The following GRAMD2B variants were observed in gnomAD, a reference collection of about 807,000 sequenced individuals.
GRAMD2B encodes the protein GRAM domain containing 2B, also known as GRAM domain-containing protein 2B.
Under a neutral mutation model 59.2 loss-of-function variants are expected in GRAMD2B, and 41 were observed. That is an observed-to-expected ratio of 0.69 (90% CI 0.54 to 0.90). The LOEUF is 0.90. Ranked by LOEUF, GRAMD2B falls within the 40% of genes least tolerant of loss-of-function variation. GRAMD2B has a pLI of 0.00. For synonymous variants in GRAMD2B, 161 were observed against 182.7 expected (o/e 0.88, Z 0.96); for missense variants, 424 against 500.5 (o/e 0.85, Z 1.46).
chr5:126,484,303 G>A (rs1772453257), intron 9 of GRAMD2B, 99 bp from the exon 10 acceptor site: 1 of 1,364,388 alleles, frequency 7.3e-7, no homozygotes, highest in Admixed American at 2.3e-5. Flanking sequence ...TCACATTCTT[G>A]ACCATTATGC....
At chr5:126,466,877 A>C (rs1273811062) in intron 2 of GRAMD2B, among the ~76,000 whole-genome samples, 1 of 152,172 alleles carries the variant, frequency 6.6e-6, no homozygotes, top group Non-Finnish European at 1.5e-5. Flanking sequence ...TTCCGTAATA[A>C]TAATACACTC....
At chr5:126,370,285 T>C (rs891261480), upstream of GRAMD2B, among the ~76,000 whole-genome samples, 3 of 152,246 alleles carry the variant, frequency 2.0e-5, no homozygotes, top group Admixed American at 2.0e-4. Context: ...GACCTGTCCC[T>C]GCCAGGTTAG....
intron 1 of GRAMD2B, among the ~76,000 whole-genome samples, chr5:126,430,128 C>T (rs1761331625): frequency 6.6e-6 from 1 of 152,220 alleles, no homozygotes; most frequent in Non-Finnish European, 1.5e-5. Context: ...GGTTCCTCCT[C>T]AGCCACCTTA....
At chr5:126,394,002 C>T (rs1369712689) in intron 1 of GRAMD2B, among the ~76,000 whole-genome samples, 6 of 152,022 alleles carry the variant, frequency 3.9e-5, no homozygotes, top group East Asian at 1.9e-4. Context: ...AGGCCAGGCG[C>T]GGTGGCTCAC....
chr5:126,480,691 C>A lies in GRAMD2B; in HGVS notation c.719C>A (p.Pro240His), dbSNP rs762549860. 1 of 1,613,954 alleles carries A rather than the reference C, an allele frequency of 6.2e-7. No individual in the cohort carries two copies. The highest frequency in any genetic ancestry group is 8.5e-7 in the Non-Finnish European group (1 of 1,179,826). Residue 240 changes from proline (P) to histidine (H), a missense_variant, in exon 8 of 14, where the codon CCT becomes CAT. Transcript: ENST00000285689. ...GAAAACAGTTTCCGAGCAGACCGCC[C>A]TTCATCTCTGCCTCTGGTAAGTTGC... The part of the protein sequence containing the change: ...SAENSFRADR[P>H]SSLPLDFNDE...
chr5:126,454,991 T>C (rs1337803032), intron 1 of GRAMD2B, among the ~76,000 whole-genome samples: 2 of 152,234 alleles, frequency 1.3e-5, no homozygotes, highest in Non-Finnish European at 2.9e-5. Flanking sequence ...CAATTTCTCT[T>C]GTGTTCCCTG....
chr5:126,402,537 C>A (rs539781115), intron 1 of GRAMD2B, among the ~76,000 whole-genome samples: 1 of 152,140 alleles, frequency 6.6e-6, no homozygotes, highest in South Asian at 2.1e-4. Flanking sequence ...AAGACTGGAA[C>A]CACCTTTATA....
At chr5:126,419,351 G>A (rs905610794), upstream of GRAMD2B, among the ~76,000 whole-genome samples, 67 of 152,148 alleles carry the variant, frequency 4.4e-4, no homozygotes, top group African/African-American at 1.4e-3. Context: ...AGAGCGAAAA[G>A]GGGGAGGTGC....
chr5:126,399,386 G>A (rs1336737632), intron 1 of GRAMD2B, among the ~76,000 whole-genome samples: 1 of 152,090 alleles, frequency 6.6e-6, no homozygotes, highest in Admixed American at 6.6e-5. Context: ...GGAGGTAATT[G>A]GATCATGGAG....
chr5:126,468,018 AT>A (rs911505345), intron 2 of GRAMD2B, among the ~76,000 whole-genome samples: 38 of 152,060 alleles, frequency 2.5e-4, no homozygotes, highest in African/African-American at 9.2e-4. Context: ...CTTTGAACCA[AT>A]TTTTTTTAAC....
chr5:126,482,956 G>A lies in GRAMD2B; in HGVS notation c.736-507G>A, dbSNP rs146575016. Among the ~76,000 whole-genome samples the A allele has an allele frequency of 3.9e-4, 60 of 151,900 alleles. No individual in the cohort carries two copies. The Middle Eastern group carries it at 0.014, about 34-fold the overall frequency. ...TAACCCTGTTTTGATTTAGTTGAGGGGAGAAAAAAAGCTTAAACTTTACTT... is the reference window on the plus strand; with the variant it reads ...TAACCCTGTTTTGATTTAGTTGAGGAGAGAAAAAAAGCTTAAACTTTACTT... On this transcript the variant is annotated intron_variant, in intron 8 of 13. Coordinates refer to ENST00000285689, the MANE Select transcript of GRAMD2B (RefSeq NM_023927.4).
At chr5:126,430,353 G>T (rs1322828972) in intron 1 of GRAMD2B, among the ~76,000 whole-genome samples, 2 of 152,124 alleles carry the variant, frequency 1.3e-5, no homozygotes, top group Non-Finnish European at 2.9e-5. Flanking sequence ...CATAGTATTT[G>T]TAACAACTTT....
At position 126,485,725 on chromosome 5, in the gene GRAMD2B, C is replaced by T; in HGVS notation, c.1010C>T (p.Ser337Phe). 1 of 1,612,790 alleles carries T rather than the reference C, an allele frequency of 6.2e-7. No homozygotes were observed. ...GTTGGAATCTTACATAAAGTCAAGTCTCAGAAATGTCCGATGCTTCACCAT... is the reference window on the plus strand; with the variant it reads ...GTTGGAATCTTACATAAAGTCAAGTTTCAGAAATGTCCGATGCTTCACCAT... ...ETVGILHKVK[S>F]QKCPMLHHIL... is the part of the protein sequence containing the mutation. Residue 337 changes from serine (S) to phenylalanine (F), a missense_variant, in exon 11 of 14, where the codon TCT becomes TTT. Physicochemically the swap from Ser to Phe is radical, Grantham distance 155. Transcript: ENST00000285689.
chr5:126,445,780 C>T (rs1308726853), intron 1 of GRAMD2B, among the ~76,000 whole-genome samples: 1 of 152,172 alleles, frequency 6.6e-6, no homozygotes, highest in Non-Finnish European at 1.5e-5. Flanking sequence ...TCCTTTCATG[C>T]TGATTCGTGT....
At chr5:126,382,552 T>C (rs75224650) in intron 1 of GRAMD2B, among the ~76,000 whole-genome samples, 1 of 152,162 alleles carries the variant, frequency 6.6e-6, no homozygotes, top group Non-Finnish European at 1.5e-5. Flanking sequence ...GATTGTTTTT[T>C]ATTTATGCTA....
At chr5:126,482,035 C>G (rs1389402953) in intron 8 of GRAMD2B, among the ~76,000 whole-genome samples, 1 of 150,932 alleles carries the variant, frequency 6.6e-6, no homozygotes, top group Non-Finnish European at 1.5e-5. Flanking sequence ...TATAGATGGA[C>G]CTTGAAAGCA....
At chr5:126,397,742 T>C (rs1417958250) in intron 1 of GRAMD2B, among the ~76,000 whole-genome samples, 1 of 152,192 alleles carries the variant, frequency 6.6e-6, no homozygotes, top group African/African-American at 2.4e-5. Context: ...TCATGATATA[T>C]GGTCCTTTTA....
At chr5:126,484,099 ATTACAGGCGTGAG>A (rs1772408544) in intron 9 of GRAMD2B, among the ~76,000 whole-genome samples, 1 of 152,216 alleles carries the variant, frequency 6.6e-6, no homozygotes, top group South Asian at 2.1e-4. Flanking sequence ...AAGTGCTGGG[ATTACAGGCGTGAG>A]CCACCGCACC....
intron 1 of GRAMD2B, among the ~76,000 whole-genome samples, chr5:126,434,186 A>T (rs1209407670): frequency 6.6e-6 from 1 of 152,240 alleles, no homozygotes; most frequent in Non-Finnish European, 1.5e-5. Context: ...TAACCATATT[A>T]TGAAAATAGT....
Sources: gnomAD v4.1 joint callset for allele counts (sites outside exome capture counted in the v4.1 genomes callset) on GRCh38, gnomAD v4.1.1 for gene constraint, MANE v1.5 for transcripts, NCBI Gene and HGNC (gene_info 2026-07-23, HGNC 2026-07-21) for gene names.